ZMYND8: variants seen among roughly 807,000 people sequenced by gnomAD.
ZMYND8 encodes zinc finger MYND-type containing 8, also known as MYND-type zinc finger-containing chromatin reader ZMYND8.
Under a neutral mutation model 140.8 loss-of-function variants are expected in ZMYND8, and 37 were observed. The ratio of observed to expected loss-of-function variants is 0.26; its 90% confidence interval spans 0.20 to 0.35. The LOEUF (loss-of-function observed/expected upper bound fraction) is 0.35. ZMYND8 is among the 10% of genes least tolerant of loss of function. The pLI is 1.00. For synonymous variants in ZMYND8, 592 were observed against 597.1 expected (o/e 0.99, Z 0.12); for missense variants, 1,068 against 1,570.0 (o/e 0.68, Z 5.40).
At chr20:47,329,009 A>G (rs1357129727) in intron 2 of ZMYND8, among the ~76,000 whole-genome samples, 1 of 152,218 alleles carries the variant, frequency 6.6e-6, no homozygotes, top group East Asian at 1.9e-4. Flanking sequence ...GGCCTGGCAA[A>G]AAGGGAATTC....
At chr20:47,287,387 G>A in intron 7 of ZMYND8, 103 bp from the exon 8 acceptor site, 3 of 1,020,048 alleles carry the variant, frequency 2.9e-6, no homozygotes, top group Admixed American at 3.8e-5. Flanking sequence ...TTTTCCCCCA[G>A]GATTAAGCTT....
In ZMYND8 at chr20:47,310,037, T is replaced by C; in HGVS notation, c.234+19A>G. ...CTCTGTCCCACCAGTGAGGACACCG[T>C]TCCCAGCGGCTGCTTTACCTGCTCC... On this transcript the variant is annotated intron_variant, in intron 3 of 22. Coordinates refer to ENST00000471951, the MANE Select transcript of ZMYND8 (RefSeq NM_001281775.3). The C allele has an allele frequency of 6.2e-7, 1 of 1,614,036 alleles. No homozygotes were observed. The highest frequency in any genetic ancestry group is 1.3e-5 in the African/African-American group (1 of 75,062).
rs190849992 is a variant in ZMYND8, at chr20:47,302,972, G to A, written c.235-4025C>T. On this transcript the variant is annotated intron_variant, in intron 3 of 22. Coordinates refer to ENST00000471951, the MANE Select transcript of ZMYND8 (RefSeq NM_001281775.3). Reference sequence around the variant, plus strand: ...AGACGTCCTGTGCATTGCAGGGCAGGTAGAAGCATACCTGGCTAGATTCCA... The same window carrying A: ...AGACGTCCTGTGCATTGCAGGGCAGATAGAAGCATACCTGGCTAGATTCCA... Among the ~76,000 whole-genome samples, 21 of 152,210 alleles carry A rather than the reference G, an allele frequency of 1.4e-4. No homozygotes were observed. In the East Asian group the frequency reaches 3.7e-3, roughly 27 times the overall value.
At chr20:47,341,775 G>A (rs921778400) in intron 2 of ZMYND8, among the ~76,000 whole-genome samples, 1 of 151,438 alleles carries the variant, frequency 6.6e-6, no homozygotes, top group Non-Finnish European at 1.5e-5. Flanking sequence ...AGGCTGAGGC[G>A]GGTGGATCAC....
At chr20:47,351,869 C>A in intron 1 of ZMYND8, 1 of 985,402 alleles carries the variant, frequency 1.0e-6, no homozygotes, top group Non-Finnish European at 1.2e-6. Flanking sequence ...TCAAAGCCAC[C>A]TTCCTAAATA....
intron 5 of ZMYND8, among the ~76,000 whole-genome samples, chr20:47,294,259 C>A (rs772874016): frequency 6.6e-6 from 1 of 151,632 alleles, no homozygotes; most frequent in East Asian, 1.9e-4. Flanking sequence ...GGCAGAGGCA[C>A]GAGAATCACT....
intron 2 of ZMYND8, among the ~76,000 whole-genome samples, chr20:47,336,298 A>C (rs966086339): frequency 3.9e-5 from 6 of 152,158 alleles, no homozygotes; most frequent in African/African-American, 1.4e-4. Context: ...ACCCCCAGCA[A>C]ATCTCAGCAA....
At chr20:47,307,330 T>C (rs1385497581) in intron 3 of ZMYND8, among the ~76,000 whole-genome samples, 1 of 150,312 alleles carries the variant, frequency 6.7e-6, no homozygotes, top group East Asian at 2.0e-4. Flanking sequence ...TGGTGGTGCA[T>C]GCCTGTAATC....
At chr20:47,353,102 C>G (rs1009811767) in intron 1 of ZMYND8, 12 of 152,062 alleles carry the variant, frequency 7.9e-5, no homozygotes, top group Non-Finnish European at 1.5e-4. Context: ...GCAAAAGAAA[C>G]AAAGACATCA....
chr20:47,299,738 C>A (rs2077884253), intron 3 of ZMYND8, among the ~76,000 whole-genome samples: 1 of 152,084 alleles, frequency 6.6e-6, no homozygotes, highest in African/African-American at 2.4e-5. Flanking sequence ...CGTGTGCCAC[C>A]ATGCCCGGCT....
At chr20:47,295,733 A>G (rs1213130982) in intron 4 of ZMYND8, among the ~76,000 whole-genome samples, 3 of 152,244 alleles carry the variant, frequency 2.0e-5, no homozygotes, top group Non-Finnish European at 1.5e-5. Flanking sequence ...TCAGCTCCTA[A>G]GGGAAATTCC....
intron 2 of ZMYND8, among the ~76,000 whole-genome samples, chr20:47,343,070 G>A (rs1217414405): frequency 6.6e-6 from 1 of 152,054 alleles, no homozygotes; most frequent in African/African-American, 2.4e-5. Flanking sequence ...ACTTGAGCCT[G>A]GGAAATTCAA....
intron 2 of ZMYND8, among the ~76,000 whole-genome samples, chr20:47,346,263 G>A (rs1214909599): frequency 6.6e-6 from 1 of 152,080 alleles, no homozygotes; most frequent in Non-Finnish European, 1.5e-5. Flanking sequence ...GCTGAGAAGT[G>A]GCTGAGAGGC....
At chr20:47,224,637 C>T in intron 18 of ZMYND8, 81 bp from the exon 19 acceptor site, 1 of 1,582,460 alleles carries the variant, frequency 6.3e-7, no homozygotes, top group Non-Finnish European at 8.6e-7. Context: ...CAGATTCAGG[C>T]AGACGTGGAT....
In ZMYND8 at chr20:47,223,005, G is replaced by A. The variant is rs573487600; in HGVS notation, c.3256+1312C>T. 3.5e-4 allele frequency among the ~76,000 whole-genome samples: 54 copies of A among 152,202 alleles called. 2 individuals carry two copies. The highest frequency in any genetic ancestry group is 1.3e-3 in the African/African-American group (52 of 41,508). ...TACAAAGCCTAAAATATTCACTCTC[G>A]CCCTTCACAGAAAAAGTTTACCAAC... On this transcript the variant is annotated intron_variant, in intron 19 of 22. Transcript: ENST00000471951.
At chr20:47,339,644 T>G (rs570745220) in intron 2 of ZMYND8, among the ~76,000 whole-genome samples, 173 of 151,784 alleles carry the variant, frequency 1.1e-3, no homozygotes, top group Non-Finnish European at 2.1e-3. Context: ...GCCTGGCTAA[T>G]TTTTTGTATT....
rs761455397 is a variant in ZMYND8, at chr20:47,249,280, G to A, written c.1774+7C>T. 2 of 1,610,306 alleles carry A rather than the reference G, an allele frequency of 1.2e-6. No individual in the cohort carries two copies. The highest frequency in any genetic ancestry group is 1.3e-5 in the African/African-American group (1 of 74,698). ...GCTGGAAAAAAAAAACAAAACCAAA[G>A]GTATACCTAATTGTGCTTTGCAACT... On this transcript the variant is annotated splice_region_variant and intron_variant, in intron 13 of 22. Coordinates refer to ENST00000471951, the MANE Select transcript of ZMYND8 (RefSeq NM_001281775.3).
In ZMYND8 at chr20:47,229,799, T is replaced by C; in HGVS notation, c.2864A>G (p.Asp955Gly). The C allele has an allele frequency of 6.2e-7, 1 of 1,612,310 alleles. No individual in the cohort carries two copies. The highest frequency in any genetic ancestry group is 8.5e-7 in the Non-Finnish European group (1 of 1,179,158). ...TTCTGTCATTGTTCCTTTTATTGCA[T>C]CCATCATCTGAAAGATAAAAACAGA... The part of the protein sequence containing the change: ...DIAKYTSKMM[D>G]AIKGTMTEIY... Residue 955 changes from aspartate (D) to glycine (G), a missense_variant, in exon 17 of 23, where the codon GAT becomes GGT. Physicochemically the swap from Asp to Gly is moderately conservative, Grantham distance 94. This residue lies in a region of ZMYND8 where 87 missense variants were observed against 151.1 expected (regional missense o/e 0.58). Coordinates refer to ENST00000471951, the MANE Select transcript of ZMYND8 (RefSeq NM_001281775.3).
intron 16 of ZMYND8, among the ~76,000 whole-genome samples, chr20:47,232,408 A>G (rs1333314908): frequency 2.1e-5 from 3 of 145,008 alleles, no homozygotes; most frequent in African/African-American, 5.7e-5. Flanking sequence ...AAGTTTTGCC[A>G]AAAGTGTCAA....
Sources: allele counts gnomAD v4.1 joint callset (sites outside exome capture counted in the v4.1 genomes callset), GRCh38; gene constraint gnomAD v4.1.1; regional missense constraint gnomAD v4.1.1; transcripts MANE v1.5; gene names NCBI Gene and HGNC (gene_info 2026-07-23, HGNC 2026-07-21).